The following GLDN variants were observed in gnomAD, a reference collection of about 807,000 sequenced individuals.
GLDN encodes the protein collomin.
Under a neutral mutation model 56.5 loss-of-function variants are expected in GLDN, and 47 were observed. The ratio of observed to expected loss-of-function variants is 0.83; its 90% confidence interval spans 0.66 to 1.06. GLDN has a LOEUF of 1.06. Among genes scored for constraint, GLDN ranks in the 50% least tolerant of loss-of-function variants. The pLI is 0.00. For missense variants in GLDN, 782 were observed against 714.3 expected (o/e 1.09, Z -1.08); for synonymous variants, 332 against 278.8 (o/e 1.19, Z -1.90).
rs145285174 is a variant in GLDN, at chr15:51,393,617, G to C, written c.542-1218G>C. Among the ~76,000 whole-genome samples, 4 of 152,300 alleles carry C rather than the reference G, an allele frequency of 2.6e-5. No homozygotes were observed. The East Asian group carries it at 7.7e-4, about 29-fold the overall frequency. The stretch of plus-strand genomic sequence containing the variant: ...TGTTTCACGCAGCTGTCTCCTCTCT[G>C]CTCTTCTATCTTGCAAATTCTAGCC... On this transcript the variant is annotated intron_variant, in intron 4 of 9. Transcript: ENST00000335449.
chr15:51,355,684 C>A (rs144385583), intron 1 of GLDN, among the ~76,000 whole-genome samples: 1 of 150,638 alleles, frequency 6.6e-6, no homozygotes, highest in African/African-American at 2.4e-5. Flanking sequence ...CCAACACACC[C>A]GGCTAATCTT....
In GLDN at chr15:51,397,559, G is replaced by A. The variant is rs1322084157; in HGVS notation, c.778G>A (p.Gly260Ser). ...PGPPGSRRAKGPRQPSMFNGQ... is the reference protein window; with the variant it reads ...PGPPGSRRAKSPRQPSMFNGQ... ...GCCCCCTGGAAGCAGAAGAGCCAAA[G>A]GCCCTCGGCAGCCAAGCATGTTCAA... The change falls in exon 6 of 10, where the codon GGC (glycine) becomes AGC (serine). Residue 260 changes from glycine (G) to serine (S), a missense_variant. Physicochemically the swap from Gly to Ser is moderately conservative, Grantham distance 56. Coordinates refer to ENST00000335449, the MANE Select transcript of GLDN (RefSeq NM_181789.4). 2.5e-6 allele frequency: 4 copies of A among 1,602,060 alleles called. No individual in the cohort carries two copies. Among genetic ancestry groups the A allele is most frequent in the Non-Finnish European group, 3.4e-6 (4 of 1,173,502 alleles).
At chr15:51,377,743 A>G (rs2037666214) in intron 2 of GLDN, among the ~76,000 whole-genome samples, 1 of 152,248 alleles carries the variant, frequency 6.6e-6, no homozygotes. Context: ...AACGTGTGGT[A>G]CCTTGAACCA....
Position 51,404,949 on chromosome 15 carries a change from C to T in GLDN, c.*195C>T. 1 of 532,800 alleles carries T rather than the reference C, an allele frequency of 1.9e-6. No individual in the cohort carries two copies. The highest frequency in any genetic ancestry group is 3.3e-6 in the Non-Finnish European group (1 of 301,200). 33.0% of individuals were successfully genotyped at this position (532,800 alleles called of 1,614,324 possible). ...GAAATGGCTGAGATTTGGTGATCTC[C>T]CCACAGCTGGCTCTGCAAGTTACCT... On this transcript the variant is annotated 3_prime_UTR_variant, in exon 10 of 10. Transcript: ENST00000335449.
intron 1 of GLDN, among the ~76,000 whole-genome samples, chr15:51,354,000 C>A (rs1483673745): frequency 6.6e-6 from 1 of 152,146 alleles, no homozygotes; most frequent in African/African-American, 2.4e-5. Context: ...CAGCTCTATA[C>A]TTTAAATGGA....
intron 4 of GLDN, among the ~76,000 whole-genome samples, chr15:51,392,884 T>C (rs2038052146): frequency 6.6e-6 from 1 of 152,248 alleles, no homozygotes; most frequent in Non-Finnish European, 1.5e-5. Context: ...CAAACGGTCT[T>C]CATCCTTTCC....
intron 1 of GLDN, chr15:51,351,296 T>G (rs1458804126): frequency 6.3e-6 from 1 of 157,968 alleles, no homozygotes; most frequent in Non-Finnish European, 1.4e-5. Flanking sequence ...CAGGCATGAG[T>G]CACCATGCCC....
intron 6 of GLDN, among the ~76,000 whole-genome samples, chr15:51,399,686 G>A (rs144029431): frequency 2.6e-5 from 4 of 152,240 alleles, no homozygotes; most frequent in East Asian, 3.9e-4. Context: ...CCTCTAAATC[G>A]GTGTTTCCCT....
chr15:51,397,866 G>T lies in GLDN; in HGVS notation c.817+268G>T, dbSNP rs531018248. On this transcript the variant is annotated intron_variant, in intron 6 of 9. Coordinates refer to ENST00000335449, the MANE Select transcript of GLDN (RefSeq NM_181789.4). ...TACCAGCAGACCAGTCCTCCTCCTTGCTCTGTCCGCCATCCCTCCCCCCTG... is the reference window on the plus strand; with the variant it reads ...TACCAGCAGACCAGTCCTCCTCCTTTCTCTGTCCGCCATCCCTCCCCCCTG... Among the ~76,000 whole-genome samples the T allele has an allele frequency of 1.5e-3, 223 of 152,186 alleles. 1 individual carries two copies. Among genetic ancestry groups the T allele is most frequent in the African/African-American group, 5.2e-3 (215 of 41,494 alleles).
At chr15:51,387,614 C>T (rs1391613280) in intron 4 of GLDN, among the ~76,000 whole-genome samples, 2 of 152,078 alleles carry the variant, frequency 1.3e-5, no homozygotes, top group Non-Finnish European at 2.9e-5. Context: ...ATTGCTGTGA[C>T]TGTAGAGAAG....
chr15:51,397,956 G>C (rs1239082533), intron 6 of GLDN, among the ~76,000 whole-genome samples: 1 of 152,220 alleles, frequency 6.6e-6, no homozygotes, highest in Non-Finnish European at 1.5e-5. Context: ...CTTGAATGAT[G>C]CTCAGGAGAT....
At chr15:51,365,464 A>T (rs1369112857) in intron 1 of GLDN, among the ~76,000 whole-genome samples, 1 of 152,200 alleles carries the variant, frequency 6.6e-6, no homozygotes, top group Non-Finnish European at 1.5e-5. Context: ...AGCATTAGGT[A>T]TGTGTTTCAA....
chr15:51,363,220 A>G (rs926788382), intron 1 of GLDN, among the ~76,000 whole-genome samples: 37 of 152,172 alleles, frequency 2.4e-4, no homozygotes, highest in African/African-American at 8.7e-4. Flanking sequence ...GCTAAGCATG[A>G]TATTATTCAT....
chr15:51,385,138 T>C (rs1468790856), intron 4 of GLDN: 1 of 152,216 alleles, frequency 6.6e-6, no homozygotes, highest in Non-Finnish European at 1.5e-5. Context: ...ATCGTTCATA[T>C]AGGATAATAA....
chr15:51,354,331 G>C (rs2037134827), intron 1 of GLDN, among the ~76,000 whole-genome samples: 1 of 152,192 alleles, frequency 6.6e-6, no homozygotes, highest in South Asian at 2.1e-4. Context: ...CAGTGGGTGA[G>C]TGTTGGAGTC....
In GLDN at chr15:51,404,898, A is replaced by T. The variant is rs1456193150; in HGVS notation, c.*144A>T. 4.7e-6 allele frequency: 3 copies of T among 640,934 alleles called. No individual in the cohort carries two copies. Among genetic ancestry groups the T allele is most frequent in the South Asian group, 1.9e-5 (1 of 53,552 alleles). 39.7% of individuals were successfully genotyped at this position (640,934 alleles called of 1,614,324 possible). ...TTTATATGGTCAGTGAGCCCCGCTTAGTGAAATAGCAACAGATTGGAAGTT... is the reference window on the plus strand; with the variant it reads ...TTTATATGGTCAGTGAGCCCCGCTTTGTGAAATAGCAACAGATTGGAAGTT... On this transcript the variant is annotated 3_prime_UTR_variant, in exon 10 of 10. Coordinates refer to ENST00000335449, the MANE Select transcript of GLDN (RefSeq NM_181789.4).
At chr15:51,362,299 A>G (rs933917262) in intron 1 of GLDN, among the ~76,000 whole-genome samples, 1 of 152,122 alleles carries the variant, frequency 6.6e-6, no homozygotes, top group Admixed American at 6.5e-5. Flanking sequence ...AGACTGACCA[A>G]CTTGGAGAAA....
chr15:51,382,083 T>A (rs1566945048), intron 2 of GLDN, among the ~76,000 whole-genome samples: 2 of 152,118 alleles, frequency 1.3e-5, no homozygotes, highest in Non-Finnish European at 2.9e-5. Flanking sequence ...ATCTTATAAG[T>A]CCCCACCTCT....
chr15:51,400,340 G>T, intron 7 of GLDN, 33 bp from the exon 8 acceptor site: 4 of 1,614,086 alleles, frequency 2.5e-6, no homozygotes, highest in Non-Finnish European at 3.4e-6. Context: ...ATAATTGGCA[G>T]GCAAGTGACT....
Sources: gnomAD v4.1 joint callset for allele counts (sites outside exome capture counted in the v4.1 genomes callset) on GRCh38, gnomAD v4.1.1 for gene constraint, MANE v1.5 for transcripts, NCBI Gene and HGNC (gene_info 2026-07-23, HGNC 2026-07-21) for gene names.